The following PACRG variants were observed in gnomAD, a reference collection of about 807,000 sequenced individuals.
PACRG encodes the protein parkin coregulated gene protein.
Under a neutral mutation model 29.7 loss-of-function variants are expected in PACRG, and 29 were observed. That is an observed-to-expected ratio of 0.98 (90% confidence interval 0.73 to 1.33). The LOEUF is 1.33. Among genes scored for constraint, PACRG ranks in the 40% most tolerant of loss-of-function variants. The pLI, the probability that PACRG is intolerant of heterozygous loss-of-function variation, is 0.00. For synonymous variants in PACRG, 116 were observed against 118.7 expected (o/e 0.98, Z 0.15); for missense variants, 279 against 316.2 (o/e 0.88, Z 0.89).
At chr6:163,021,491 C>G (rs944093629) in intron 2 of PACRG, among the ~76,000 whole-genome samples, 3 of 152,216 alleles carry the variant, frequency 2.0e-5, no homozygotes, top group Non-Finnish European at 4.4e-5. Flanking sequence ...CCTAACTGAG[C>G]AATGCTGGGC....
chr6:163,236,858 A>G (rs1042803817), intron 4 of PACRG, among the ~76,000 whole-genome samples: 8 of 152,186 alleles, frequency 5.3e-5, no homozygotes, highest in Non-Finnish European at 8.8e-5. Context: ...GGAAACTTAC[A>G]ATCATGGCAA....
At chr6:162,884,156 C>T (rs1239369557) in intron 2 of PACRG, among the ~76,000 whole-genome samples, 1 of 152,138 alleles carries the variant, frequency 6.6e-6, no homozygotes, top group African/African-American at 2.4e-5. Flanking sequence ...CCCAGACTGT[C>T]CTTGAAATCC....
At chr6:162,754,138 C>T (rs1261787932) in intron 1 of PACRG, among the ~76,000 whole-genome samples, 1 of 152,124 alleles carries the variant, frequency 6.6e-6, no homozygotes, top group Non-Finnish European at 1.5e-5. Context: ...CTGCATCTTC[C>T]CCAGAATTTG....
Position 163,138,652 on chromosome 6 carries a change from T to A in PACRG, c.613+49244T>A, listed in dbSNP as rs144106739. On this transcript the variant is annotated intron_variant, in intron 4 of 4. Coordinates refer to ENST00000366888, the MANE Select transcript of PACRG (RefSeq NM_001080379.2). ...AGGAGGCGGAGCTCAGGCAGTAATG[T>A]GTGCTCGCCCACTGCTCACCTCCTG... Among the ~76,000 whole-genome samples the A allele has an allele frequency of 2.4e-4, 36 of 152,326 alleles. No individual in the cohort carries two copies. In the East Asian group the frequency reaches 6.8e-3, roughly 29 times the overall value.
chr6:163,172,175 T>C (rs1207781503), intron 4 of PACRG, among the ~76,000 whole-genome samples: 1 of 152,232 alleles, frequency 6.6e-6, no homozygotes, highest in Non-Finnish European at 1.5e-5. Context: ...TCTTGGTATA[T>C]ACTTAAAACC....
At chr6:163,291,996 T>TGAAGGTTTTC (rs1246882235) in intron 4 of PACRG, among the ~76,000 whole-genome samples, 1 of 152,200 alleles carries the variant, frequency 6.6e-6, no homozygotes, top group African/African-American at 2.4e-5. Context: ...GGTACATTTC[T>TGAAGGTTTTC]GAAGGTTTTC....
intron 1 of PACRG, among the ~76,000 whole-genome samples, chr6:162,791,277 C>T (rs1484851912): frequency 7.1e-6 from 1 of 141,434 alleles, no homozygotes; most frequent in East Asian, 2.1e-4. Context: ...TATTTGCTCT[C>T]TTTTCCCCAC....
At chr6:162,773,601 G>T (rs1407290301) in intron 1 of PACRG, among the ~76,000 whole-genome samples, 1 of 131,602 alleles carries the variant, frequency 7.6e-6, no homozygotes, top group Non-Finnish European at 1.5e-5. Flanking sequence ...TGCAAGCTCC[G>T]CTTCCCGGGT....
intron 2 of PACRG, among the ~76,000 whole-genome samples, chr6:162,964,561 G>A (rs906727660): frequency 6.6e-5 from 10 of 152,170 alleles, no homozygotes; most frequent in African/African-American, 2.2e-4. Flanking sequence ...ATCAACAGAT[G>A]TTCTGGACAT....
chr6:163,273,764 T>G (rs1783927008), intron 4 of PACRG, among the ~76,000 whole-genome samples: 1 of 152,174 alleles, frequency 6.6e-6, no homozygotes, highest in Non-Finnish European at 1.5e-5. Context: ...TTTTGTCTTT[T>G]AAAAGCCATC....
At chr6:163,002,273 A>G (rs1368251409) in intron 2 of PACRG, among the ~76,000 whole-genome samples, 1 of 152,160 alleles carries the variant, frequency 6.6e-6, no homozygotes, top group African/African-American at 2.4e-5. Context: ...ATCAGTTCCA[A>G]TTTGCTGACC....
At chr6:163,126,695 G>A (rs1307851183) in intron 4 of PACRG, among the ~76,000 whole-genome samples, 10 of 152,208 alleles carry the variant, frequency 6.6e-5, no homozygotes, top group East Asian at 1.9e-4. Context: ...TTCCTATTAA[G>A]AGTGAATATA....
At chr6:162,848,970 G>C (rs1405882006) in intron 2 of PACRG, among the ~76,000 whole-genome samples, 2 of 152,202 alleles carry the variant, frequency 1.3e-5, no homozygotes, top group African/African-American at 4.8e-5. Flanking sequence ...AACTTTAGGG[G>C]AAAGCGAGAG....
At chr6:162,980,796 T>A (rs1432279895) in intron 2 of PACRG, among the ~76,000 whole-genome samples, 1 of 152,206 alleles carries the variant, frequency 6.6e-6, no homozygotes, top group Non-Finnish European at 1.5e-5. Flanking sequence ...TAAATTTATC[T>A]GTAATAAACT....
chr6:163,127,160 A>C (rs1322629450), intron 4 of PACRG, among the ~76,000 whole-genome samples: 1 of 152,180 alleles, frequency 6.6e-6, no homozygotes. Context: ...CATTTAACAA[A>C]AGTGGCGTCA....
intron 2 of PACRG, among the ~76,000 whole-genome samples, chr6:162,889,363 C>T (rs928540620): frequency 6.6e-6 from 1 of 152,066 alleles, no homozygotes; most frequent in African/African-American, 2.4e-5. Flanking sequence ...AAATTGAAAA[C>T]CCAGCTTTAA....
chr6:163,300,747 T>C (rs550812488), intron 4 of PACRG, among the ~76,000 whole-genome samples: 39 of 151,930 alleles, frequency 2.6e-4, no homozygotes, highest in Non-Finnish European at 4.3e-4. Context: ...AAGAATGACC[T>C]TTTTGTGGCT....
intron 4 of PACRG, among the ~76,000 whole-genome samples, chr6:163,162,254 G>T (rs2747690): frequency 0.12 from 18,862 of 152,244 alleles, 1,403 homozygotes; most frequent in South Asian, 0.21. Flanking sequence ...GTCAGGGAGA[G>T]GCAGCTGCAG....
intron 3 of PACRG, among the ~76,000 whole-genome samples, chr6:163,078,766 C>T (rs1812793521): frequency 6.6e-6 from 1 of 152,114 alleles, no homozygotes; most frequent in Non-Finnish European, 1.5e-5. Flanking sequence ...CAGTGCCTCC[C>T]CTTGCTCTTC....
Sources: allele counts gnomAD v4.1 joint callset (sites outside exome capture counted in the v4.1 genomes callset), GRCh38; gene constraint gnomAD v4.1.1; transcripts MANE v1.5; gene names NCBI Gene and HGNC (gene_info 2026-07-23, HGNC 2026-07-21).